The following STAG1 variants were observed in gnomAD, a reference collection of about 807,000 sequenced individuals.
STAG1 encodes STAG1 cohesin complex component, also known as cohesin subunit SA-1.
A neutral mutation model predicts 170.9 loss-of-function variants in STAG1; 26 were observed. The observed-to-expected ratio is 0.15, with a 90% CI of 0.11 to 0.21. STAG1 has a LOEUF of 0.21. Ranked by LOEUF, STAG1 falls within the 10% of genes least tolerant of loss-of-function variation. The pLI is 1.00. For missense variants in STAG1, 964 were observed against 1,509.5 expected (o/e 0.64, Z 5.99); for synonymous variants, 514 against 497.7 (o/e 1.03, Z -0.44).
chr3:136,422,335 T>C (rs2087982923), intron 19 of STAG1, 75 bp downstream of exon 19: 1 of 1,362,316 alleles, frequency 7.3e-7, no homozygotes, highest in African/African-American at 1.4e-5. Context: ...AAAATGAAAA[T>C]GATTTACACA....
chr3:136,683,178 G>A (rs1056275450), intron 1 of STAG1, among the ~76,000 whole-genome samples: 7 of 152,038 alleles, frequency 4.6e-5, no homozygotes, highest in Non-Finnish European at 1.0e-4. Flanking sequence ...TCTAGAGATT[G>A]GTTGCACAAC....
At chr3:136,466,666 C>T (rs2107802490) in intron 12 of STAG1, among the ~76,000 whole-genome samples, 1 of 152,230 alleles carries the variant, frequency 6.6e-6, no homozygotes, top group East Asian at 1.9e-4. Context: ...CACAAAGATA[C>T]TCCTCGAGAA....
At chr3:136,578,854 A>T (rs1396467335) in intron 4 of STAG1, among the ~76,000 whole-genome samples, 1 of 152,184 alleles carries the variant, frequency 6.6e-6, no homozygotes, top group Non-Finnish European at 1.5e-5. Context: ...GAAAAGACAT[A>T]CTTGGCAACT....
At chr3:136,743,716 A>G (rs1309689500) in intron 1 of STAG1, among the ~76,000 whole-genome samples, 2 of 152,224 alleles carry the variant, frequency 1.3e-5, no homozygotes, top group African/African-American at 2.4e-5. Context: ...AATACAGGGA[A>G]CACGTCCCAA....
chr3:136,498,284 T>TACAC (rs71157390), intron 9 of STAG1, among the ~76,000 whole-genome samples: 3,559 of 86,152 alleles, frequency 0.041, 509 homozygotes, highest in African/African-American at 0.18. Flanking sequence ...CACACACACA[T>TACAC]ACACACACAC....
At chr3:136,732,035 G>C (rs1376735939) in intron 1 of STAG1, among the ~76,000 whole-genome samples, 1 of 151,958 alleles carries the variant, frequency 6.6e-6, no homozygotes, top group Non-Finnish European at 1.5e-5. Flanking sequence ...AAAAATTACA[G>C]GAAATCTTGG....
chr3:136,592,254 G>T (rs541821899), intron 4 of STAG1, among the ~76,000 whole-genome samples: 1 of 152,214 alleles, frequency 6.6e-6, no homozygotes, highest in East Asian at 1.9e-4. Flanking sequence ...ATGTGTCATG[G>T]GATGGACCCA....
intron 1 of STAG1, among the ~76,000 whole-genome samples, chr3:136,695,463 C>T (rs2107902037): frequency 6.6e-6 from 1 of 151,598 alleles, no homozygotes; most frequent in South Asian, 2.1e-4. Flanking sequence ...GAGAGACAGA[C>T]CGTAATGTTT....
chr3:136,585,596 T>A (rs1401150269), intron 4 of STAG1, among the ~76,000 whole-genome samples: 2 of 150,318 alleles, frequency 1.3e-5, no homozygotes, highest in African/African-American at 4.9e-5. Flanking sequence ...GACTCAAAAA[T>A]AATAATAATA....
Position 136,337,493 on chromosome 3 carries a change from C to G in STAG1, c.*761G>C, listed in dbSNP as rs1339362055. 1 of 152,580 alleles carries G rather than the reference C, an allele frequency of 6.6e-6. No homozygotes were observed. The highest frequency in any genetic ancestry group is 1.5e-5 in the Non-Finnish European group (1 of 68,026). 9.5% of individuals were successfully genotyped at this position (152,580 alleles called of 1,614,324 possible). On this transcript the variant is annotated 3_prime_UTR_variant, in exon 34 of 34. Transcript: ENST00000383202. The stretch of plus-strand genomic sequence containing the variant: ...GAAAATGCACTGTATTTGAATCTCC[C>G]TAGTCTATATAAAATGAACGGTGTA...
At chr3:136,598,776 A>G (rs559673913) in intron 4 of STAG1, among the ~76,000 whole-genome samples, 36 of 152,276 alleles carry the variant, frequency 2.4e-4, no homozygotes, top group African/African-American at 8.7e-4. Flanking sequence ...AAATTTTATA[A>G]TGCAATTTAC....
At chr3:136,373,476 G>A in intron 23 of STAG1, among the ~76,000 whole-genome samples, 1 of 151,958 alleles carries the variant, frequency 6.6e-6, no homozygotes. Context: ...GCTTTCTCTT[G>A]TGGGCATTTA....
intron 1 of STAG1, among the ~76,000 whole-genome samples, chr3:136,669,734 TTG>T (rs1941921937): frequency 6.6e-6 from 1 of 152,192 alleles, no homozygotes. Flanking sequence ...TTTCAAAATT[TTG>T]TGTTTAAAAA....
intron 7 of STAG1, among the ~76,000 whole-genome samples, chr3:136,516,422 C>A (rs1010129071): frequency 6.6e-6 from 1 of 151,968 alleles, no homozygotes; most frequent in African/African-American, 2.4e-5. Flanking sequence ...GTGGAAGGAT[C>A]GCTTGAGCCT....
intron 9 of STAG1, 100 bp downstream of exon 9, chr3:136,500,123 T>G: frequency 1.3e-6 from 1 of 776,492 alleles, no homozygotes; most frequent in South Asian, 1.6e-5. Context: ...AAACAAAACA[T>G]AAATCATAAT....
chr3:136,550,368 C>T (rs1044144034), intron 5 of STAG1, among the ~76,000 whole-genome samples: 36 of 151,036 alleles, frequency 2.4e-4, no homozygotes, highest in Admixed American at 1.3e-4. Flanking sequence ...AGTACAGTGG[C>T]GCGATCTTGG....
intron 5 of STAG1, among the ~76,000 whole-genome samples, chr3:136,544,806 C>A (rs903981053): frequency 6.6e-6 from 1 of 151,824 alleles, no homozygotes; most frequent in East Asian, 1.9e-4. Flanking sequence ...TTCTTGCTTA[C>A]CTCAAATTAC....
intron 9 of STAG1, among the ~76,000 whole-genome samples, chr3:136,495,947 G>C (rs1312079611): frequency 1.4e-5 from 2 of 147,770 alleles, no homozygotes; most frequent in African/African-American, 5.0e-5. Flanking sequence ...CTCCAGCCTG[G>C]GTGACAGAGC....
At chr3:136,678,674 C>T (rs1576753672) in intron 1 of STAG1, among the ~76,000 whole-genome samples, 1 of 151,526 alleles carries the variant, frequency 6.6e-6, no homozygotes, top group East Asian at 1.9e-4. Context: ...AGAACTAATG[C>T]TTTTAACACA....
Sources: allele counts gnomAD v4.1 joint callset (sites outside exome capture counted in the v4.1 genomes callset), GRCh38; gene constraint gnomAD v4.1.1; transcripts MANE v1.5; gene names NCBI Gene and HGNC (gene_info 2026-07-23, HGNC 2026-07-21).